The following GRM7 variants were observed in gnomAD, a reference collection of about 807,000 sequenced individuals.
GRM7 encodes the protein glutamate metabotropic receptor 7, also known as metabotropic glutamate receptor 7.
In GRM7, 35 loss-of-function variants were observed where a neutral mutation model predicts 84.5. That is an observed-to-expected ratio of 0.41 (90% CI 0.32 to 0.55). The LOEUF (loss-of-function observed/expected upper bound fraction) is 0.55, where lower values mean the gene tolerates loss of function less well. Ranked by LOEUF, GRM7 falls within the 20% of genes least tolerant of loss-of-function variation. The probability of loss-of-function intolerance (pLI) is 0.19; values close to 1 mark genes in which losing one functional copy is unlikely to be tolerated. For missense variants in GRM7, 1,003 were observed against 1,194.6 expected, an observed-to-expected ratio of 0.84 and a Z score of 2.36; for synonymous variants, 487 against 455.1, an observed-to-expected ratio of 1.07 and a Z score of -0.89.
intron 7 of GRM7, among the ~76,000 whole-genome samples, chr3:7,489,475 A>T (rs1383244787): frequency 6.6e-6 from 1 of 152,154 alleles, no homozygotes; most frequent in Non-Finnish European, 1.5e-5. Context: ...TAGGATTTAG[A>T]CCCAGATCTG....
At chr3:7,217,130 A>G (rs558494009) in intron 2 of GRM7, among the ~76,000 whole-genome samples, 2 of 152,304 alleles carry the variant, frequency 1.3e-5, no homozygotes, top group Admixed American at 6.5e-5. Flanking sequence ...TTTTTAATAA[A>G]AAAGGAGCTA....
At chr3:7,390,512 A>G (rs1288151137) in intron 4 of GRM7, among the ~76,000 whole-genome samples, 1 of 151,784 alleles carries the variant, frequency 6.6e-6, no homozygotes, top group Non-Finnish European at 1.5e-5. Flanking sequence ...ATAATTTTAT[A>G]TTTCTTGAAG....
rs1553617349 is a variant in GRM7 at position 7,103,752 on chromosome 3, T to TTCTTTCTTTCTTTCTCTC, written c.520-42685_520-42684insCTCTCTTTCTTTCTTTCT. Among the ~76,000 whole-genome samples the TTCTTTCTTTCTTTCTCTC allele has an allele frequency of 2.1e-4, 4 of 19,456 alleles. 1 individual carries two copies. Among genetic ancestry groups the TTCTTTCTTTCTTTCTCTC allele is most frequent in the African/African-American group, 7.3e-4 (4 of 5,482 alleles). The allele number at this position is 19,456 out of a possible 152,430, so 12.8% of individuals were successfully genotyped here. A position where few individuals can be genotyped will look rare whatever the true frequency, so the allele number is the denominator to read the frequency against. ...TCTTTTTCTCTTTCTCTCTCTCCCT[T>TTCTTTCTTTCTTTCTCTC]TCTTTCTTTCTTTCTTTCTTTCTTT... On this transcript the variant is annotated intron_variant, in intron 1 of 9. Transcript: ENST00000357716.
At chr3:7,047,748 A>G (rs1033362633) in intron 1 of GRM7, among the ~76,000 whole-genome samples, 40 of 152,218 alleles carry the variant, frequency 2.6e-4, no homozygotes, top group African/African-American at 8.4e-4. Context: ...ACATTCACTC[A>G]TTGTTTAATG....
At chr3:7,723,494 C>T (rs183012933) in intron 9 of GRM7, among the ~76,000 whole-genome samples, 3 of 152,100 alleles carry the variant, frequency 2.0e-5, no homozygotes, top group Non-Finnish European at 4.4e-5. Context: ...CTAGACATCA[C>T]CACAGCAAGC....
chr3:7,368,279 A>G (rs994120960), intron 4 of GRM7, among the ~76,000 whole-genome samples: 3 of 152,038 alleles, frequency 2.0e-5, no homozygotes, highest in Non-Finnish European at 2.9e-5. Context: ...AATGAAGGCA[A>G]TTTTAAAAAC....
chr3:7,198,979 G>A (rs1391198401), intron 2 of GRM7, among the ~76,000 whole-genome samples: 1 of 152,298 alleles, frequency 6.6e-6, no homozygotes, highest in Admixed American at 6.5e-5. Context: ...TCATAAACAA[G>A]GTATGGCCAT....
chr3:7,219,561 A>G (rs77704381), intron 2 of GRM7, among the ~76,000 whole-genome samples: 1 of 152,268 alleles, frequency 6.6e-6, no homozygotes, highest in African/African-American at 2.4e-5. Context: ...TTCATGATCT[A>G]TGTGGTTATG....
rs114671546 is a variant in GRM7, at chr3:6,863,296, A to G, written c.519+1389A>G. ...CAAACCTAGTTAATCTCTTCCGCAG[A>G]TGTACACGCTGATCCTGGCACCTTT... On this transcript the variant is annotated intron_variant, in intron 1 of 9. Transcript: ENST00000357716. This position sits in a 1 kb window ranked among gnomAD's most constrained non-coding sequence, Gnocchi z 4.8. Among the ~76,000 whole-genome samples the G allele has an allele frequency of 0.011, 1,676 of 152,088 alleles. 31 individuals carry two copies. The highest frequency in any genetic ancestry group is 0.039 in the African/African-American group (1,613 of 41,480).
chr3:7,687,797 T>C (rs1291787382), intron 9 of GRM7, among the ~76,000 whole-genome samples: 3 of 152,180 alleles, frequency 2.0e-5, no homozygotes, highest in African/African-American at 7.2e-5. Flanking sequence ...CCATTTAGTA[T>C]GGTAAAACAG....
chr3:7,299,353 T>C (rs190394633), intron 3 of GRM7, among the ~76,000 whole-genome samples: 1 of 152,322 alleles, frequency 6.6e-6, no homozygotes, highest in African/African-American at 2.4e-5. Context: ...CCAAGCCACA[T>C]AGAAACAAGC....
At chr3:7,335,291 A>G in intron 4 of GRM7, among the ~76,000 whole-genome samples, 1 of 152,168 alleles carries the variant, frequency 6.6e-6, no homozygotes. Context: ...ATGCAAATTA[A>G]GTAATCTGCT....
intron 4 of GRM7, among the ~76,000 whole-genome samples, chr3:7,375,295 C>T (rs531388148): frequency 1.0e-3 from 151 of 150,640 alleles, no homozygotes; most frequent in Middle Eastern, 3.4e-3. Context: ...CTCGGCTCAC[C>T]GCAACCTCTG....
chr3:7,406,982 A>C (rs1168924459), intron 4 of GRM7, among the ~76,000 whole-genome samples: 1 of 152,228 alleles, frequency 6.6e-6, no homozygotes, highest in African/African-American at 2.4e-5. Context: ...TTAATACAGC[A>C]TAGTGTGGAA....
intron 9 of GRM7, among the ~76,000 whole-genome samples, chr3:7,728,222 G>C (rs958943238): frequency 6.6e-6 from 1 of 152,198 alleles, no homozygotes; most frequent in African/African-American, 2.4e-5. Context: ...GGGTCTGGCT[G>C]TGTGTTCTTG....
chr3:7,606,842 C>G (rs1218980363), intron 8 of GRM7: 1 of 152,036 alleles, frequency 6.6e-6, no homozygotes, highest in Non-Finnish European at 1.5e-5. Flanking sequence ...GCATTGTTTT[C>G]TTAATAATCA....
chr3:6,936,052 G>T (rs926473300), intron 1 of GRM7, among the ~76,000 whole-genome samples: 3 of 152,076 alleles, frequency 2.0e-5, no homozygotes, highest in Non-Finnish European at 4.4e-5. Flanking sequence ...GTCTCCCAGA[G>T]GCCTCTCCAG....
At chr3:7,527,445 A>G (rs1700849804) in intron 7 of GRM7, among the ~76,000 whole-genome samples, 15 of 151,902 alleles carry the variant, frequency 9.9e-5, no homozygotes, top group Non-Finnish European at 2.9e-5. Flanking sequence ...TACAGTTTCC[A>G]ATGTATAGAA....
chr3:7,367,938 CAAA>C (rs56856057), intron 4 of GRM7, among the ~76,000 whole-genome samples: 5,345 of 126,114 alleles, frequency 0.042, 310 homozygotes, highest in African/African-American at 0.14. Flanking sequence ...CATTAATCCT[CAAA>C]AAAAAAAAAA....
Sources: allele counts gnomAD v4.1 joint callset (sites outside exome capture counted in the v4.1 genomes callset), GRCh38; gene constraint gnomAD v4.1.1; non-coding constraint Gnocchi (gnomAD v3.1); transcripts MANE v1.5; gene names NCBI Gene and HGNC (gene_info 2026-07-23, HGNC 2026-07-21).